Variants in ANO5 observed in about 807,000 individuals in gnomAD.
ANO5 encodes the protein anoctamin-5.
Under a neutral mutation model 121.0 loss-of-function variants are expected in ANO5, and 109 were observed. The ratio of observed to expected loss-of-function variants is 0.90; its 90% CI spans 0.77 to 1.06. ANO5 has a LOEUF of 1.06. Ranked by LOEUF, ANO5 falls within the 50% of genes least tolerant of loss-of-function variation. The pLI is 0.00. For synonymous variants in ANO5, 406 were observed against 359.9 expected (o/e 1.13, Z -1.45); for missense variants, 1,064 against 1,078.5 (o/e 0.99, Z 0.19).
rs191729943 is a variant in ANO5, at chr11:22,264,133, C to T, written c.1898+1090C>T. 3.0e-3 allele frequency among the ~76,000 whole-genome samples: 436 copies of T among 146,466 alleles called. 4 individuals are homozygous for T. The highest frequency in any genetic ancestry group is 0.011 in the African/African-American group (416 of 39,116). On this transcript the variant is annotated intron_variant, in intron 17 of 21. Coordinates refer to ENST00000324559, the MANE Select transcript of ANO5 (RefSeq NM_213599.3). Reference sequence around the variant, plus strand: ...CCACCTCCTGGGTTCAAGCAATTTTCCTGCTTCAGTCTCCTGAGCAGCTGG... The same window carrying T: ...CCACCTCCTGGGTTCAAGCAATTTTTCTGCTTCAGTCTCCTGAGCAGCTGG...
At chr11:22,250,642 T>TA in intron 10 of ANO5, 99 bp from the exon 11 acceptor site, 1 of 1,240,974 alleles carries the variant, frequency 8.1e-7, no homozygotes. Flanking sequence ...CCTTCTGTTA[T>TA]ATGTGAGAAG....
chr11:22,223,952 C>T (rs1465172771), intron 5 of ANO5, among the ~76,000 whole-genome samples: 3 of 151,972 alleles, frequency 2.0e-5, no homozygotes, highest in South Asian at 2.1e-4. Flanking sequence ...CTGCCCATCT[C>T]CTTGTATAAA....
intron 9 of ANO5, among the ~76,000 whole-genome samples, chr11:22,245,864 T>A (rs115685167): frequency 0.011 from 1,649 of 152,262 alleles, 42 homozygotes; most frequent in African/African-American, 0.038. Context: ...CATTTTCTAC[T>A]TGTGGCATCA....
chr11:22,272,427 T>C (rs2133786847), intron 18 of ANO5, among the ~76,000 whole-genome samples: 1 of 150,838 alleles, frequency 6.6e-6, no homozygotes, highest in Admixed American at 6.6e-5. Context: ...ATAGAAAAAC[T>C]TGGTTACCTC....
intron 6 of ANO5, 130 bp downstream of exon 6, chr11:22,226,182 C>A: frequency 1.4e-6 from 1 of 732,798 alleles, no homozygotes; most frequent in Non-Finnish European, 2.4e-6. Flanking sequence ...GATATGTGCA[C>A]CGGGATGATA....
chr11:22,250,618 G>A, intron 10 of ANO5, 123 bp from the exon 11 acceptor site: 1 of 1,093,228 alleles, frequency 9.1e-7, no homozygotes, highest in Non-Finnish European at 1.4e-6. Context: ...TATAGAAATT[G>A]CTGCTTGATT....
chr11:22,241,352 C>T (rs1853425690), intron 9 of ANO5, among the ~76,000 whole-genome samples: 1 of 116,046 alleles, frequency 8.6e-6, no homozygotes, highest in Admixed American at 8.4e-5. Flanking sequence ...CTGCAATGGA[C>T]ATATAGGTGC....
intron 9 of ANO5, among the ~76,000 whole-genome samples, chr11:22,248,586 T>A (rs1853698438): frequency 6.6e-6 from 1 of 152,070 alleles, no homozygotes; most frequent in South Asian, 2.1e-4. Context: ...GTCCAAAGTT[T>A]AGTAAGATAA....
intron 1 of ANO5, among the ~76,000 whole-genome samples, chr11:22,198,713 G>C (rs940208528): frequency 3.3e-5 from 5 of 151,974 alleles, no homozygotes; most frequent in African/African-American, 1.2e-4. Flanking sequence ...ACTATATTTT[G>C]TTTGATGCAT....
intron 8 of ANO5, among the ~76,000 whole-genome samples, chr11:22,238,939 A>G (rs549267111): frequency 1.4e-4 from 21 of 152,142 alleles, no homozygotes; most frequent in Non-Finnish European, 2.8e-4. Context: ...TGTCTGCAGT[A>G]AAAACAGAAT....
chr11:22,269,842 T>C (rs1216499276), intron 17 of ANO5, among the ~76,000 whole-genome samples: 4 of 152,362 alleles, frequency 2.6e-5, no homozygotes, highest in African/African-American at 7.2e-5. Context: ...TATCATAATA[T>C]ATCATCTTTT....
chr11:22,267,577 A>G (rs1156873012), intron 17 of ANO5, among the ~76,000 whole-genome samples: 1 of 150,716 alleles, frequency 6.6e-6, no homozygotes, highest in Non-Finnish European at 1.5e-5. Flanking sequence ...TTTCCACTCT[A>G]TCCCAAGATT....
At chr11:22,265,494 A>T (rs1564945683) in intron 17 of ANO5, among the ~76,000 whole-genome samples, 1 of 152,134 alleles carries the variant, frequency 6.6e-6, no homozygotes, top group East Asian at 1.9e-4. Flanking sequence ...AAAGTACAGG[A>T]TGCAAGAAAC....
Position 22,198,550 on chromosome 11 carries a change from C to T in ANO5, c.40+5018C>T, listed in dbSNP as rs916227468. Among the ~76,000 whole-genome samples the T allele has an allele frequency of 2.6e-5, 4 of 152,016 alleles. 1 individual carries two copies. The highest frequency in any genetic ancestry group is 1.5e-5 in the Non-Finnish European group (1 of 68,000). On this transcript the variant is annotated intron_variant, in intron 1 of 21. Transcript: ENST00000324559. ...ATAGCAGCTTGAAAATATTTTTTCACCTACTTGTTTTATGTTAAATGGAAC... is the reference window on the plus strand; with the variant it reads ...ATAGCAGCTTGAAAATATTTTTTCATCTACTTGTTTTATGTTAAATGGAAC...
intron 12 of ANO5, among the ~76,000 whole-genome samples, 171 bp downstream of exon 12, chr11:22,251,182 T>C (rs555446315): frequency 6.6e-6 from 1 of 152,348 alleles, no homozygotes; most frequent in African/African-American, 2.4e-5. Context: ...CCATTAGTTC[T>C]TGGTCCACAA....
chr11:22,257,336 C>T (rs532218477), intron 13 of ANO5, among the ~76,000 whole-genome samples: 1 of 152,178 alleles, frequency 6.6e-6, no homozygotes, highest in African/African-American at 2.4e-5. Flanking sequence ...AAAATTATAA[C>T]ACCATTAAAC....
chr11:22,197,875 G>A (rs953230567), intron 1 of ANO5, among the ~76,000 whole-genome samples: 2 of 152,182 alleles, frequency 1.3e-5, no homozygotes. Flanking sequence ...TTTAGAGGAA[G>A]TTGGAGGAAT....
intron 12 of ANO5, among the ~76,000 whole-genome samples, chr11:22,251,214 T>A (rs534724173): frequency 6.6e-6 from 1 of 152,366 alleles, no homozygotes; most frequent in African/African-American, 2.4e-5. Flanking sequence ...AAACATCAGC[T>A]CATTTCTCTA....
At chr11:22,212,031 T>C (rs914602480) in intron 3 of ANO5, among the ~76,000 whole-genome samples, 2 of 151,838 alleles carry the variant, frequency 1.3e-5, no homozygotes, top group Admixed American at 6.6e-5. Context: ...TTTTACATGA[T>C]TCCAAAGTTG....
Sources: allele counts gnomAD v4.1 joint callset (sites outside exome capture counted in the v4.1 genomes callset), GRCh38; gene constraint gnomAD v4.1.1; transcripts MANE v1.5; gene names NCBI Gene and HGNC (gene_info 2026-07-23, HGNC 2026-07-21).